The following IGSF9 variants were observed in gnomAD, a reference collection of about 807,000 sequenced individuals.
The protein encoded by IGSF9 is protein turtle homolog A.
Under a neutral mutation model 121.7 loss-of-function variants are expected in IGSF9, and 87 were observed. The observed-to-expected ratio is 0.71, with a 90% CI of 0.60 to 0.85. IGSF9 has a LOEUF of 0.85. Ranked by LOEUF, IGSF9 falls within the 40% of genes least tolerant of loss-of-function variation. The pLI is 0.00. For missense variants in IGSF9, 1,462 were observed against 1,565.3 expected (o/e 0.93, Z 1.11); for synonymous variants, 640 against 648.4 (o/e 0.99, Z 0.20).
Position 159,928,306 on chromosome 1 carries a change from G to A in IGSF9, c.3082C>T (p.Arg1028Ter), listed in dbSNP as rs771962358. The stretch of plus-strand genomic sequence containing the variant: ...GGCCGCAGGAACGAAGCGCTGCCTC[G>A]CCCACTGCTCTGGCTGGTGAGGCTG... ...RGSLTSQSSG[R>*]GSASFLRPPS... The change falls in exon 19 of 21, where the codon CGA (arginine) becomes TGA (stop). Residue 1028 changes from arginine to a stop codon, truncating the protein, a stop_gained. Coordinates refer to ENST00000368094, the MANE Select transcript of IGSF9 (RefSeq NM_001135050.2). LOFTEE classifies it high-confidence loss of function. 8 of 1,611,196 alleles carry A rather than the reference G, an allele frequency of 5.0e-6. No homozygotes were observed. Among genetic ancestry groups the A allele is most frequent in the African/African-American group, 1.3e-5 (1 of 74,860 alleles).
chr1:159,927,399 C>G lies in IGSF9; in HGVS notation c.3486G>C (p.Arg1162=), dbSNP rs778557982. The G allele has an allele frequency of 6.2e-7, 1 of 1,613,872 alleles. No homozygotes were observed. The highest frequency in any genetic ancestry group is 1.1e-5 in the South Asian group (1 of 91,080). ...GGACTGGCTGTCGATAGGCTGGTAG[C>G]CGAGCCCTAGTAGCATCTCGGCGGC... ...FRRRRDATRA[R]LPAYRQPVPH... The change falls in exon 21 of 21, where the codon CGG becomes CGC. Residue 1162 remains arginine, a synonymous_variant. Coordinates refer to ENST00000368094, the MANE Select transcript of IGSF9 (RefSeq NM_001135050.2).
intron 19 of IGSF9, 109 bp downstream of exon 19, chr1:159,928,049 C>G: frequency 1.3e-6 from 2 of 1,495,036 alleles, no homozygotes. Flanking sequence ...CAAGTTTTCC[C>G]GTTCCCAGGG....
intron 9 of IGSF9, 171 bp downstream of exon 9, chr1:159,934,019 C>A: frequency 1.3e-6 from 1 of 757,862 alleles, no homozygotes; most frequent in African/African-American, 1.8e-5. Flanking sequence ...AATTTTTCCT[C>A]AGGGGTTTTA....
At chr1:159,937,040 GC>G in intron 4 of IGSF9, 132 bp from the exon 5 acceptor site, 1 of 838,616 alleles carries the variant, frequency 1.2e-6, no homozygotes, top group Non-Finnish European at 1.9e-6. Context: ...GGAGTCCTCA[GC>G]CCAGGGCCAC....
rs763910745 is a variant in IGSF9 at position 159,927,449 on chromosome 1, G to A, written c.3436C>T (p.Arg1146Trp). Residue 1146 changes from arginine (R) to tryptophan (W), a missense_variant, in exon 21 of 21, where the codon CGG becomes TGG. By Grantham distance (101) the Arg-to-Trp change is moderately radical (BLOSUM62 -3). Around this residue, in one of 3 missense-constraint regions of IGSF9, gnomAD observed 808 missense variants for 815.2 expected, o/e 0.99. Coordinates refer to ENST00000368094, the MANE Select transcript of IGSF9 (RefSeq NM_001135050.2). ...CGGCGGAAGGCCAGGAATTCCTCCC[G>A]AAGGGCAGCACAGCGGGCCTCAGGG... is the stretch of plus-strand genomic sequence containing the variant. Reference protein sequence around the residue: ...TGPEARCAALREEFLAFRRRR... With the variant: ...TGPEARCAALWEEFLAFRRRR... 31 of 1,614,044 alleles carry A rather than the reference G, an allele frequency of 1.9e-5. 1 individual carries two copies. Among genetic ancestry groups the A allele is most frequent in the East Asian group, 4.5e-5 (2 of 44,898 alleles).
Position 159,943,416 on chromosome 1 carries a change from G to A in IGSF9, c.39C>T (p.Val13=). The change falls in exon 2 of 21, where the codon GTC becomes GTT. Residue 13 remains valine (V), a synonymous_variant. Coordinates refer to ENST00000368094, the MANE Select transcript of IGSF9 (RefSeq NM_001135050.2). ...WCLGLAVLSL[V]ISQGADGRGK... ...GCTTACCGTCAGCCCCCTGGCTGAT[G>A]ACCAGGCTGAGGACGGCCAGGCCGA... 1.3e-6 allele frequency: 2 copies of A among 1,589,224 alleles called. No homozygotes were observed. The highest frequency in any genetic ancestry group is 1.3e-5 in the African/African-American group (1 of 74,708).
chr1:159,935,261 CA>C (rs1287423458), intron 6 of IGSF9, among the ~76,000 whole-genome samples: 1 of 152,178 alleles, frequency 6.6e-6, no homozygotes, highest in Non-Finnish European at 1.5e-5. Context: ...AATGGCCATT[CA>C]TACAGAAACA....
intron 3 of IGSF9, among the ~76,000 whole-genome samples, chr1:159,939,331 G>A (rs144265970): frequency 2.6e-3 from 389 of 152,222 alleles, no homozygotes; most frequent in Non-Finnish European, 3.1e-3. Context: ...GGCCTCAATC[G>A]ATCCTCTTGC....
chr1:159,934,195 C>T lies in IGSF9; in HGVS notation c.1099G>A (p.Asp367Asn), dbSNP rs774070731. ...WTKDGKALQL[D>N]KFPGWSQGTE... ...CCCCTGCCCCAAGCCTGTACCTTGT[C>T]CAGCTGCAGGGCCTTTCCATCCTTG... Residue 367 changes from aspartate (D) to asparagine (N), a missense_variant, in exon 9 of 21, where the codon GAC becomes AAC. Asp to Asn is a conservative substitution (Grantham distance 23). This residue lies in a region of IGSF9 where 558 missense variants were observed against 599.4 expected (regional missense o/e 0.93). Coordinates refer to ENST00000368094, the MANE Select transcript of IGSF9 (RefSeq NM_001135050.2). The T allele has an allele frequency of 5.0e-6, 8 of 1,612,672 alleles. No individual in the cohort carries two copies. In the South Asian group the frequency reaches 8.8e-5, roughly 18 times the overall value.
chr1:159,942,893 T>C, intron 3 of IGSF9, 70 bp downstream of exon 3: 1 of 1,355,446 alleles, frequency 7.4e-7, no homozygotes, highest in South Asian at 1.2e-5. Context: ...ATAGGAGGCC[T>C]TGTGCGACTC....
chr1:159,929,495 G>GAAAAGCGTA, intron 17 of IGSF9, 102 bp from the exon 18 acceptor site: 1 of 1,515,756 alleles, frequency 6.6e-7, no homozygotes, highest in Non-Finnish European at 9.0e-7. Context: ...ATCCGGCTGG[G>GAAAAGCGTA]AAAAGCGTAG....
At position 159,927,844 on chromosome 1, in the gene IGSF9, A is replaced by T; in HGVS notation, c.3274T>A (p.Phe1092Ile). 1 of 1,613,736 alleles carries T rather than the reference A, an allele frequency of 6.2e-7. No homozygotes were observed. ...TCCAGCAATTCCATGTCCCCAGGGA[A>T]TTCTGAGTCCCACTCATAGTTCTCG... Reference protein sequence around the residue: ...VDENYEWDSEFPGDMELLETL... With the variant: ...VDENYEWDSEIPGDMELLETL... Residue 1092 changes from phenylalanine to isoleucine, a missense_variant, in exon 20 of 21, where the codon TTC becomes ATC. Coordinates refer to ENST00000368094, the MANE Select transcript of IGSF9 (RefSeq NM_001135050.2).
rs1323276750 is a variant in IGSF9 at position 159,943,044 on chromosome 1, C to T, written c.166G>A (p.Glu56Lys). 8.7e-6 allele frequency: 14 copies of T among 1,613,240 alleles called. No homozygotes were observed. Among genetic ancestry groups the T allele is most frequent in the Non-Finnish European group, 1.1e-5 (13 of 1,179,642 alleles). ...AGCAGGAATCCAAAGCGCAGCCACTCGATGACATGCAGGGGGGGCCGGCCG... is the reference window on the plus strand; with the variant it reads ...AGCAGGAATCCAAAGCGCAGCCACTTGATGACATGCAGGGGGGGCCGGCCG... ...PAGRPPLHVI[E>K]WLRFGFLLPI... Residue 56 changes from glutamate (E) to lysine (K), a missense_variant, in exon 3 of 21, where the codon GAG becomes AAG. Physicochemically the swap from Glu to Lys is moderately conservative, Grantham distance 56. Around this residue, in one of 3 missense-constraint regions of IGSF9, gnomAD observed 558 missense variants for 599.4 expected, o/e 0.93. Coordinates refer to ENST00000368094, the MANE Select transcript of IGSF9 (RefSeq NM_001135050.2).
chr1:159,933,438 A>G (rs751158877), intron 9 of IGSF9: 4 of 152,356 alleles, frequency 2.6e-5, no homozygotes, highest in Non-Finnish European at 4.4e-5. Context: ...TCAAAAATTT[A>G]TAGTCTCTGC....
At chr1:159,943,182 G>T in intron 2 of IGSF9, 31 bp from the exon 3 acceptor site, 4 of 1,561,612 alleles carry the variant, frequency 2.6e-6, no homozygotes, top group East Asian at 4.6e-5. Flanking sequence ...GGGCACAACG[G>T]GGGGCTAGGG....
At chr1:159,933,078 A>T in intron 9 of IGSF9, 1 of 156,370 alleles carries the variant, frequency 6.4e-6, no homozygotes, top group Admixed American at 6.3e-5. Context: ...ACGTTCCCTC[A>T]CTCCCCCTGG....
In IGSF9 at chr1:159,937,988, GGGGTCATTCA is replaced by G. The variant is rs1651255941; in HGVS notation, c.248-160_248-151del. ...GGTCCAGAGAGACGCAGATGAGGTT[GGGGTCATTCA>G]GGACAGGTCCCTCCATTCGGCCCCT... On this transcript the variant is annotated intron_variant, in intron 3 of 20. Transcript: ENST00000368094. 59 of 845,370 alleles carry G rather than the reference GGGGTCATTCA, an allele frequency of 7.0e-5. 1 individual carries two copies. The South Asian group carries it at 1.0e-3, about 15-fold the overall frequency. The allele number at this position is 845,370 out of a possible 1,614,324, so 52.4% of individuals were successfully genotyped here.
At chr1:159,929,503 T>A (rs768936278) in intron 17 of IGSF9, 110 bp from the exon 18 acceptor site, 62 of 1,502,494 alleles carry the variant, frequency 4.1e-5, no homozygotes, top group Middle Eastern at 3.8e-4. Context: ...GGGAAAAGCG[T>A]AGGCAGGACC....
chr1:159,936,446 G>A lies in IGSF9; in HGVS notation c.626C>T (p.Ser209Phe), dbSNP rs1346234480. The A allele has an allele frequency of 4.3e-6, 7 of 1,614,070 alleles. No individual in the cohort carries two copies. Among genetic ancestry groups the A allele is most frequent in the Non-Finnish European group, 5.9e-6 (7 of 1,180,008 alleles). The part of the protein sequence containing the change: ...GSSGVYTCQA[S>F]STEGSATHAT... ...GTGGGTGGCGCTGCCCTCAGTGCTG[G>A]AGGCTTGGCAGGTGTAGACCCCAGA... is the stretch of plus-strand genomic sequence containing the variant. The change falls in exon 6 of 21, where the codon TCC becomes TTC. Residue 209 changes from serine to phenylalanine, a missense_variant. Transcript: ENST00000368094.
Sources: gnomAD v4.1 joint callset for allele counts (sites outside exome capture counted in the v4.1 genomes callset) on GRCh38, gnomAD v4.1.1 for gene constraint, gnomAD v4.1.1 regional missense constraint, MANE v1.5 for transcripts, NCBI Gene and HGNC (gene_info 2026-07-23, HGNC 2026-07-21) for gene names.